Variants in INTS13 observed in about 807,000 individuals in gnomAD.
The protein encoded by INTS13 is integrator complex subunit 13.
Under a neutral mutation model 90.2 loss-of-function variants are expected in INTS13, and 35 were observed. The ratio of observed to expected loss-of-function variants is 0.39; its 90% confidence interval spans 0.30 to 0.51. The LOEUF (loss-of-function observed/expected upper bound fraction) is 0.51, where lower values mean the gene tolerates loss of function less well. INTS13 is among the 20% of genes least tolerant of loss of function. The pLI, the probability that INTS13 is intolerant of heterozygous loss-of-function variation, is 0.80. For missense variants in INTS13, 601 were observed against 851.2 expected, an observed-to-expected ratio of 0.71 and a Z score of 3.66; for synonymous variants, 309 against 277.1, an observed-to-expected ratio of 1.11 and a Z score of -1.14.
Position 26,905,440 on chromosome 12 carries a change from C to A in INTS13, c.*57G>T, listed in dbSNP as rs140835935. On this transcript the variant is annotated 3_prime_UTR_variant, in exon 17 of 17. Transcript: ENST00000261191. ...CATCTTGCTGTAAAAGTACTTATATCGAATTCCGCACAAAATATTTTTGCA... is the reference window on the plus strand; with the variant it reads ...CATCTTGCTGTAAAAGTACTTATATAGAATTCCGCACAAAATATTTTTGCA... 4 of 1,526,374 alleles carry A rather than the reference C, an allele frequency of 2.6e-6. No individual in the cohort carries two copies. The South Asian group carries it at 4.7e-5, about 18-fold the overall frequency. 94.6% of individuals were successfully genotyped at this position (1,526,374 alleles called of 1,614,324 possible).
chr12:26,931,720 C>A (rs994882869), intron 3 of INTS13, among the ~76,000 whole-genome samples: 1 of 152,112 alleles, frequency 6.6e-6, no homozygotes, highest in African/African-American at 2.4e-5. Flanking sequence ...AAAACATAAA[C>A]CTAACTAGTT....
Position 26,934,469 on chromosome 12 carries a change from G to A in INTS13, c.300+87C>T, listed in dbSNP as rs1298377857. The A allele has an allele frequency of 1.4e-5, 14 of 974,276 alleles. 1 individual carries two copies. The highest frequency in any genetic ancestry group is 1.9e-5 in the Non-Finnish European group (12 of 618,520). The allele number at this position is 974,276 out of a possible 1,614,324, so 60.4% of individuals were successfully genotyped here. On this transcript the variant is annotated intron_variant, in intron 3 of 16. Coordinates refer to ENST00000261191, the MANE Select transcript of INTS13 (RefSeq NM_018164.3). The stretch of plus-strand genomic sequence containing the variant: ...TTTAACACTATATGCAAATCCTAGA[G>A]TGATTTAAAAAATTAGTCATTTTTT...
intron 14 of INTS13, among the ~76,000 whole-genome samples, chr12:26,912,289 T>G (rs979820719): frequency 3.3e-5 from 5 of 151,894 alleles, no homozygotes; most frequent in African/African-American, 1.2e-4. Flanking sequence ...TACAAAAAAT[T>G]GGCCAGGCAT....
At chr12:26,910,361 T>C (rs1268917283) in intron 15 of INTS13, among the ~76,000 whole-genome samples, 3 of 152,230 alleles carry the variant, frequency 2.0e-5, no homozygotes, top group Non-Finnish European at 4.4e-5. Flanking sequence ...GCTTCATTAA[T>C]GAAAGTATAA....
At chr12:26,929,644 A>G (rs943761730) in intron 3 of INTS13, among the ~76,000 whole-genome samples, 1 of 152,004 alleles carries the variant, frequency 6.6e-6, no homozygotes, top group African/African-American at 2.4e-5. Flanking sequence ...ACTGAGGCAG[A>G]AGGATCGCTT....
intron 8 of INTS13, 21 bp from the exon 9 acceptor site, chr12:26,917,754 C>T: frequency 1.4e-6 from 2 of 1,416,708 alleles, no homozygotes; most frequent in Non-Finnish European, 1.9e-6. Context: ...ATGTCAGAGA[C>T]ATTACACATT....
chr12:26,935,760 T>C (rs1332431673), intron 2 of INTS13, among the ~76,000 whole-genome samples: 1 of 152,236 alleles, frequency 6.6e-6, no homozygotes, highest in African/African-American at 2.4e-5. Context: ...TATATGTGAA[T>C]GTATAATATC....
At chr12:26,926,399 T>C (rs1937876290) in intron 5 of INTS13, among the ~76,000 whole-genome samples, 2 of 152,338 alleles carry the variant, frequency 1.3e-5, no homozygotes, top group South Asian at 4.1e-4. Context: ...CTATATACTA[T>C]ACTTAGGTAG....
chr12:26,906,265 A>C, intron 16 of INTS13, 37 bp downstream of exon 16: 1 of 1,572,482 alleles, frequency 6.4e-7, no homozygotes, highest in Non-Finnish European at 8.6e-7. Context: ...TATACAGGCA[A>C]TTGACAAAAC....
At chr12:26,931,129 A>T (rs187167058) in intron 3 of INTS13, among the ~76,000 whole-genome samples, 28 of 151,820 alleles carry the variant, frequency 1.8e-4, no homozygotes, top group African/African-American at 2.9e-4. Context: ...ACAATAAAAT[A>T]AAATTAAATT....
intron 7 of INTS13, 127 bp from the exon 8 acceptor site, chr12:26,922,827 A>G (rs549754904): frequency 4.5e-5 from 24 of 532,796 alleles, no homozygotes; most frequent in Non-Finnish European, 7.0e-5. Flanking sequence ...TAGCTAAAAT[A>G]ATGGGATAAT....
In INTS13 at chr12:26,937,893, C is replaced by G. The variant is rs1938563987; in HGVS notation, c.-109G>C. The G allele has an allele frequency of 6.5e-6, 1 of 152,842 alleles. No individual in the cohort carries two copies. Among genetic ancestry groups the G allele is most frequent in the Non-Finnish European group, 1.5e-5 (1 of 68,222 alleles). 9.5% of individuals were successfully genotyped at this position (152,842 alleles called of 1,614,324 possible). ...TGGGCGGGGAGAGTCAGCGCACAGT[C>G]GGGAGTGTCTGGTGCCACAGACAGG... On this transcript the variant is annotated 5_prime_UTR_variant, in exon 1 of 17. Transcript: ENST00000261191.
chr12:26,926,572 A>G (rs187117079), intron 5 of INTS13, among the ~76,000 whole-genome samples: 258 of 152,326 alleles, frequency 1.7e-3, no homozygotes, highest in Non-Finnish European at 3.0e-3. Flanking sequence ...AAAAGTCCAC[A>G]TTGCAATAGT....
At position 26,922,625 on chromosome 12, in the gene INTS13, G is replaced by A; in HGVS notation, c.880C>T (p.Leu294=). 1 of 1,582,752 alleles carries A rather than the reference G, an allele frequency of 6.3e-7. No individual in the cohort carries two copies. The highest frequency in any genetic ancestry group is 2.3e-5 in the East Asian group (1 of 43,114). The part of the protein sequence containing the change: ...LHHKDAHVDF[L]KSGDSHLGGG... ...TTCAAATGTCTCTTACCACTTTTCA[G>A]GAAATCTACATGTGCATCTTTGTGA... The change falls in exon 8 of 17, where the codon CTG becomes TTG. Residue 294 remains leucine (L), a synonymous_variant. Transcript: ENST00000261191.
chr12:26,929,685 C>T (rs1207845295), intron 3 of INTS13, among the ~76,000 whole-genome samples: 1 of 149,866 alleles, frequency 6.7e-6, no homozygotes, highest in East Asian at 2.0e-4. Context: ...TGAACTCTGG[C>T]CTAGGTGATA....
chr12:26,920,869 A>G (rs930284107), intron 8 of INTS13, among the ~76,000 whole-genome samples: 1 of 152,178 alleles, frequency 6.6e-6, no homozygotes, highest in Non-Finnish European at 1.5e-5. Context: ...GGTTTATTCT[A>G]AGATTCCTCA....
rs1292100838 is a variant in INTS13 at position 26,936,795 on chromosome 12, A to G, written c.9T>C (p.Ile3=). The G allele has an allele frequency of 6.2e-7, 1 of 1,612,320 alleles. No individual in the cohort carries two copies. Among genetic ancestry groups the G allele is most frequent in the East Asian group, 2.2e-5 (1 of 44,838 alleles). The change falls in exon 2 of 17, where the codon ATT becomes ATC. Residue 3 remains isoleucine (I), a synonymous_variant. Coordinates refer to ENST00000261191, the MANE Select transcript of INTS13 (RefSeq NM_018164.3). MK[I]FSESHKTVFV... ...ACACTGTTTTATGAGATTCAGAAAA[A>G]ATCTTCATTTTGTTTTAACCTGTAA...
intron 16 of INTS13, among the ~76,000 whole-genome samples, chr12:26,905,853 G>T (rs765030423): frequency 1.3e-5 from 2 of 151,946 alleles, no homozygotes; most frequent in East Asian, 3.9e-4. Flanking sequence ...ATTTCATCAA[G>T]AATTTATTTC....
intron 3 of INTS13, chr12:26,929,127 AAT>A: frequency 4.1e-6 from 2 of 487,654 alleles, no homozygotes; most frequent in Non-Finnish European, 7.3e-6. Flanking sequence ...TGCAAATATC[AAT>A]TATTACAATA....
Sources: allele counts gnomAD v4.1 joint callset (sites outside exome capture counted in the v4.1 genomes callset), GRCh38; gene constraint gnomAD v4.1.1; transcripts MANE v1.5; gene names NCBI Gene and HGNC (gene_info 2026-07-23, HGNC 2026-07-21).